PPP4R4: variants seen among roughly 807,000 people sequenced by gnomAD.
PPP4R4 encodes the protein protein phosphatase 4 regulatory subunit 4, also known as serine/threonine-protein phosphatase 4 regulatory subunit 4.
A neutral mutation model predicts 121.8 loss-of-function variants in PPP4R4; 70 were observed. The ratio of observed to expected loss-of-function variants is 0.57; its 90% CI spans 0.47 to 0.70. PPP4R4 has a LOEUF of 0.70. Among genes scored for constraint, PPP4R4 ranks in the 30% least tolerant of loss-of-function variants. The pLI, the probability that PPP4R4 is intolerant of heterozygous loss-of-function variation, is 0.00. For synonymous variants in PPP4R4, 348 were observed against 355.7 expected, an observed-to-expected ratio of 0.98 and a Z score of 0.24; for missense variants, 875 against 1,033.6, an observed-to-expected ratio of 0.85 and a Z score of 2.10.
intron 2 of PPP4R4, among the ~76,000 whole-genome samples, chr14:94,201,955 T>TACAC (rs565592404): frequency 0.011 from 1,722 of 150,732 alleles, 41 homozygotes; most frequent in African/African-American, 0.039. Context: ...AATATATATA[T>TACAC]ATACATATAT....
chr14:94,265,471 C>T lies in PPP4R4; in HGVS notation c.2282C>T (p.Thr761Ile). Residue 761 changes from threonine (T) to isoleucine (I), a missense_variant and splice_region_variant, in exon 21 of 25, where the codon ACA becomes ATA. Thr to Ile is a moderately conservative substitution (Grantham distance 89). Coordinates refer to ENST00000304338, the MANE Select transcript of PPP4R4 (RefSeq NM_058237.2). ...GGACCCTCTTCTGTCACCCCATCGACAAGTAAGAAATAACTTCTTTTTATA... is the reference window on the plus strand; with the variant it reads ...GGACCCTCTTCTGTCACCCCATCGATAAGTAAGAAATAACTTCTTTTTATA... ...VPGPSSVTPSTSKEIKKSKLI... is the reference protein window; with the variant it reads ...VPGPSSVTPSISKEIKKSKLI... 6.2e-7 allele frequency: 1 copy of T among 1,602,564 alleles called. No homozygotes were observed.
chr14:94,255,364 C>CAAG (rs137857813), intron 16 of PPP4R4, among the ~76,000 whole-genome samples: 35,794 of 151,978 alleles, frequency 0.24, 5,024 homozygotes, highest in East Asian at 0.59. Flanking sequence ...TTTGGGAGGC[C>CAAG]AAGGCAGGCG....
intron 3 of PPP4R4, among the ~76,000 whole-genome samples, chr14:94,221,039 A>G (rs1447294085): frequency 1.3e-5 from 2 of 152,162 alleles, no homozygotes; most frequent in Non-Finnish European, 2.9e-5. Context: ...GTAAAGACAG[A>G]TAAAGTAATC....
At chr14:94,250,310 G>A in intron 15 of PPP4R4, 33 bp downstream of exon 15, 5 of 1,459,546 alleles carry the variant, frequency 3.4e-6, no homozygotes, top group Non-Finnish European at 4.8e-6. Context: ...TTTGAAAAAG[G>A]AAAGTAAACA....
intron 2 of PPP4R4, among the ~76,000 whole-genome samples, chr14:94,184,440 TAG>T (rs919429605): frequency 1.8e-3 from 276 of 152,070 alleles, no homozygotes; most frequent in African/African-American, 6.4e-3. Context: ...GTTTTTTTTG[TAG>T]AGTTAGGGGT....
At chr14:94,231,465 A>G (rs982650799) in intron 5 of PPP4R4, 150 bp downstream of exon 5, 11 of 603,834 alleles carry the variant, frequency 1.8e-5, no homozygotes, top group Non-Finnish European at 3.2e-5. Context: ...TGAGAAATAT[A>G]AAATATAGAA....
At chr14:94,257,082 A>G (rs1893513886) in intron 17 of PPP4R4, among the ~76,000 whole-genome samples, 1 of 152,124 alleles carries the variant, frequency 6.6e-6, no homozygotes, top group Non-Finnish European at 1.5e-5. Flanking sequence ...AGTAAGTAGC[A>G]GAATCAGGAG....
intron 2 of PPP4R4, among the ~76,000 whole-genome samples, chr14:94,182,261 A>T (rs754215940): frequency 6.6e-6 from 1 of 152,196 alleles, no homozygotes; most frequent in Non-Finnish European, 1.5e-5. Context: ...TCATAAGCTT[A>T]TATTTTATTT....
At chr14:94,252,149 G>T (rs760163311) in intron 16 of PPP4R4, among the ~76,000 whole-genome samples, 74 of 152,096 alleles carry the variant, frequency 4.9e-4, no homozygotes, top group Non-Finnish European at 8.7e-4. Context: ...AGCTTCTTCG[G>T]CCATTTGGAT....
chr14:94,243,405 G>T (rs996863048), intron 11 of PPP4R4, among the ~76,000 whole-genome samples: 1 of 152,048 alleles, frequency 6.6e-6, no homozygotes, highest in Non-Finnish European at 1.5e-5. Flanking sequence ...CCTCCAAGAT[G>T]CATTAAATGG....
Position 94,279,570 on chromosome 14 carries a change from TC to T in PPP4R4, c.*928del, listed in dbSNP as rs1178950964. On this transcript the variant is annotated 3_prime_UTR_variant, in exon 25 of 25. Coordinates refer to ENST00000304338, the MANE Select transcript of PPP4R4 (RefSeq NM_058237.2). ...TCAGCTTCTCTATTTCAAAATGCAA[TC>T]AGCATATAACTATATTGATATTAGA... 1.3e-5 allele frequency: 2 copies of T among 152,598 alleles called. No homozygotes were observed. The highest frequency in any genetic ancestry group is 3.2e-3 in the Middle Eastern group (1 of 316). 9.5% of individuals were successfully genotyped at this position (152,598 alleles called of 1,614,324 possible). A position where few individuals can be genotyped will look rare whatever the true frequency, so the allele number is the denominator to read the frequency against.
chr14:94,268,825 C>T (rs953294689), intron 23 of PPP4R4, among the ~76,000 whole-genome samples: 1 of 152,118 alleles, frequency 6.6e-6, no homozygotes, highest in African/African-American at 2.4e-5. Context: ...ATTCAGTTAC[C>T]TCCCACCGGG....
chr14:94,200,014 A>G (rs894783183), intron 2 of PPP4R4, among the ~76,000 whole-genome samples: 3 of 152,166 alleles, frequency 2.0e-5, no homozygotes, highest in Non-Finnish European at 2.9e-5. Flanking sequence ...CCGTGGGCAC[A>G]GGCCCAGGGG....
intron 6 of PPP4R4, 93 bp from the exon 7 acceptor site, chr14:94,234,469 A>G (rs1892217562): frequency 1.3e-6 from 1 of 745,286 alleles, no homozygotes; most frequent in Admixed American, 2.8e-5. Context: ...ATTTGTTATT[A>G]TTAAGGTGAG....
chr14:94,198,755 C>T (rs1213963488), intron 2 of PPP4R4, among the ~76,000 whole-genome samples: 2 of 152,126 alleles, frequency 1.3e-5, no homozygotes, highest in African/African-American at 4.8e-5. Context: ...ATTTAATTGT[C>T]CCACCACCAC....
At chr14:94,226,621 G>T (rs1282145680) in intron 3 of PPP4R4, among the ~76,000 whole-genome samples, 2 of 151,982 alleles carry the variant, frequency 1.3e-5, no homozygotes, top group Non-Finnish European at 2.9e-5. Flanking sequence ...AATGAAGAGG[G>T]CTATTACACT....
In PPP4R4 at chr14:94,174,585, G is replaced by A; in HGVS notation, c.117+3G>A. 6.2e-7 allele frequency: 1 copy of A among 1,610,832 alleles called. No homozygotes were observed. Among genetic ancestry groups the A allele is most frequent in the Non-Finnish European group, 8.5e-7 (1 of 1,178,782 alleles). On this transcript the variant is annotated splice_donor_region_variant and intron_variant, in intron 1 of 24. Transcript: ENST00000304338. ...GGCCGGTCCGCCGGAGCCTCAAGGT[G>A]CGCCCCGGGGAGAGGACCTGCCCTC...
At chr14:94,249,545 A>T (rs1893072957) in intron 14 of PPP4R4, among the ~76,000 whole-genome samples, 1 of 152,098 alleles carries the variant, frequency 6.6e-6, no homozygotes, top group African/African-American at 2.4e-5. Context: ...TTTCTCTAAT[A>T]TATGGTTTGA....
At chr14:94,219,284 C>T (rs1195280561) in intron 3 of PPP4R4, among the ~76,000 whole-genome samples, 3 of 151,912 alleles carry the variant, frequency 2.0e-5, no homozygotes, top group African/African-American at 7.3e-5. Context: ...CCATGTTGGC[C>T]AGGTTGGTCT....
Sources: allele counts gnomAD v4.1 joint callset (sites outside exome capture counted in the v4.1 genomes callset), GRCh38; gene constraint gnomAD v4.1.1; transcripts MANE v1.5; gene names NCBI Gene and HGNC (gene_info 2026-07-23, HGNC 2026-07-21).